CUX1: variants seen among roughly 807,000 people sequenced by gnomAD.
CUX1 encodes the protein protein CASP.
CUX1 carries 31 observed loss-of-function variants against 158.8 expected under a neutral mutation model. The observed-to-expected ratio is 0.20, with a 90% CI of 0.15 to 0.26. The LOEUF (loss-of-function observed/expected upper bound fraction) is 0.26, where lower values mean the gene tolerates loss of function less well. CUX1 is among the 10% of genes least tolerant of loss of function. The probability of loss-of-function intolerance (pLI) is 1.00; values close to 1 mark genes in which losing one functional copy is unlikely to be tolerated. For synonymous variants in CUX1, 879 were observed against 862.1 expected (o/e 1.02, Z -0.34); for missense variants, 1,589 against 2,014.6 (o/e 0.79, Z 4.04).
intron 4 of CUX1, among the ~76,000 whole-genome samples, chr7:102,085,324 T>A (rs529913363): frequency 6.6e-6 from 1 of 152,312 alleles, no homozygotes; most frequent in East Asian, 1.9e-4. Context: ...GCCGTTAAAT[T>A]TATGAGGAAC....
intron 16 of CUX1, chr7:102,275,204 C>A: frequency 6.8e-7 from 1 of 1,470,332 alleles, no homozygotes; most frequent in Non-Finnish European, 9.3e-7. Flanking sequence ...CTGCTGGGTT[C>A]CACCTCCTGC....
intron 22 of CUX1, among the ~76,000 whole-genome samples, 186 bp from the exon 23 acceptor site, chr7:102,239,134 G>C (rs1799898677): frequency 6.6e-6 from 1 of 152,134 alleles, no homozygotes; most frequent in Non-Finnish European, 1.5e-5. Flanking sequence ...TGATCTGCCT[G>C]CCTCGGCCTC....
At position 102,252,330 on chromosome 7, in the gene CUX1, G is replaced by T. The variant is rs530500178; in HGVS notation, c.*3288G>T. 26 of 985,224 alleles carry T rather than the reference G, an allele frequency of 2.6e-5. 1 individual carries two copies. The Admixed American group carries it at 1.2e-3, about 44-fold the overall frequency. The allele number at this position is 985,224 out of a possible 1,614,324, so 61.0% of individuals were successfully genotyped here. A position where few individuals can be genotyped will look rare whatever the true frequency, so the allele number is the denominator to read the frequency against. On this transcript the variant is annotated 3_prime_UTR_variant, in exon 24 of 24. Transcript: ENST00000292535. ...CAAGTGCCTTGAACAGTGTCCCCTC[G>T]GCATGGCTCCCCTTCAGCAGGCTGG... is the stretch of plus-strand genomic sequence containing the variant.
chr7:102,140,357 TG>T (rs1233005625), intron 8 of CUX1, among the ~76,000 whole-genome samples: 1 of 152,124 alleles, frequency 6.6e-6, no homozygotes, highest in Non-Finnish European at 1.5e-5. Context: ...GCAATTCTCC[TG>T]CCTCAGCCTC....
chr7:102,072,041 G>T (rs1262945856), intron 4 of CUX1, among the ~76,000 whole-genome samples: 1 of 152,224 alleles, frequency 6.6e-6, no homozygotes, highest in East Asian at 1.9e-4. Context: ...CTCCTTCACA[G>T]TAAAATGGAT....
chr7:102,087,905 A>G (rs181838921), intron 4 of CUX1, among the ~76,000 whole-genome samples: 7 of 152,066 alleles, frequency 4.6e-5, no homozygotes, highest in East Asian at 1.9e-4. Flanking sequence ...CTTTTGGTCT[A>G]TAGATCTCCT....
At position 102,222,811 on chromosome 7, in the gene CUX1, C is replaced by CTTTTTTTT. The variant is rs71123016; in HGVS notation, c.3131-4537_3131-4530dup. 4.4e-3 allele frequency among the ~76,000 whole-genome samples: 113 copies of CTTTTTTTT among 25,524 alleles called. 29 individuals carry two copies. Among genetic ancestry groups the CTTTTTTTT allele is most frequent in the African/African-American group, 0.017 (96 of 5,800 alleles). 16.7% of individuals were successfully genotyped at this position (25,524 alleles called of 152,430 possible). A position where few individuals can be genotyped will look rare whatever the true frequency, so the allele number is the denominator to read the frequency against. On this transcript the variant is annotated intron_variant, in intron 20 of 23. Coordinates refer to ENST00000292535, the MANE Select transcript of CUX1 (RefSeq NM_181552.4). The stretch of plus-strand genomic sequence containing the variant: ...GGCTGTGTGTCTCGGGGCACCGTAT[C>CTTTTTTTT]TTTTTTTTTTTTTTTTTTTTTTTTT...
At chr7:102,030,200 C>T (rs1247764644) in intron 3 of CUX1, among the ~76,000 whole-genome samples, 4 of 152,106 alleles carry the variant, frequency 2.6e-5, no homozygotes, top group Admixed American at 2.6e-4. Context: ...TTAGTAGAGA[C>T]GGGGTTTCAT....
At chr7:102,213,959 C>T (rs1796798936) in intron 20 of CUX1, among the ~76,000 whole-genome samples, 2 of 152,116 alleles carry the variant, frequency 1.3e-5, no homozygotes, top group South Asian at 4.1e-4. Flanking sequence ...ATGGCAAAAC[C>T]CTGTTTCTAC....
intron 1 of CUX1, among the ~76,000 whole-genome samples, chr7:101,851,943 C>T (rs1403048967): frequency 6.6e-6 from 1 of 151,954 alleles, no homozygotes; most frequent in Non-Finnish European, 1.5e-5. Context: ...ATCCTCCTGC[C>T]TCAGCCTCCC....
chr7:101,881,645 G>A (rs372739105), intron 1 of CUX1, among the ~76,000 whole-genome samples: 4 of 152,164 alleles, frequency 2.6e-5, no homozygotes, highest in African/African-American at 7.2e-5. Flanking sequence ...TGACGCCACC[G>A]ATTTGTCAAG....
At chr7:102,027,428 T>C (rs577906550) in intron 2 of CUX1, among the ~76,000 whole-genome samples, 1 of 152,080 alleles carries the variant, frequency 6.6e-6, no homozygotes, top group Non-Finnish European at 1.5e-5. Flanking sequence ...CCATTTCAGA[T>C]AGAAACAGCC....
chr7:101,826,441 A>G (rs1793307841), intron 1 of CUX1, among the ~76,000 whole-genome samples: 1 of 151,674 alleles, frequency 6.6e-6, no homozygotes, highest in African/African-American at 2.4e-5. Flanking sequence ...GGCTCCAGTA[A>G]TCCTCCCTCC....
rs765983278 is a variant in CUX1 at position 101,916,243 on chromosome 7, C to T, written c.141+18C>T. ...CTCCAGAGGTGAGGCGCGTGACCAT[C>T]GTGTTCGCTTTGAAGGGATCTTAGA... On this transcript the variant is annotated intron_variant, in intron 2 of 23. Transcript: ENST00000292535. This position sits in a 1 kb window ranked among gnomAD's most constrained non-coding sequence, Gnocchi z 4.4. The T allele has an allele frequency of 1.7e-5, 26 of 1,496,382 alleles. No individual in the cohort carries two copies. The highest frequency in any genetic ancestry group is 2.3e-5 in the East Asian group (1 of 44,226). The allele number at this position is 1,496,382 out of a possible 1,614,324, so 92.7% of individuals were successfully genotyped here. A position where few individuals can be genotyped will look rare whatever the true frequency, so the allele number is the denominator to read the frequency against.
At chr7:102,185,966 T>G (rs1447377430) in intron 11 of CUX1, among the ~76,000 whole-genome samples, 3 of 152,172 alleles carry the variant, frequency 2.0e-5, no homozygotes, top group African/African-American at 7.2e-5. Flanking sequence ...ATGCTAGGAA[T>G]AAGCGCAGGT....
At chr7:102,118,264 G>A (rs569830549) in intron 8 of CUX1, among the ~76,000 whole-genome samples, 7 of 152,288 alleles carry the variant, frequency 4.6e-5, no homozygotes, top group African/African-American at 1.7e-4. Flanking sequence ...AGGGCCAGGC[G>A]CGGTGGCTCA....
intron 1 of CUX1, among the ~76,000 whole-genome samples, chr7:101,903,295 G>A (rs995490403): frequency 7.9e-5 from 12 of 152,130 alleles, no homozygotes; most frequent in Non-Finnish European, 1.5e-4. Flanking sequence ...CAAGATGGCC[G>A]GGAGAAAGCT....
At chr7:101,865,604 C>T (rs1437715611) in intron 1 of CUX1, among the ~76,000 whole-genome samples, 1 of 152,224 alleles carries the variant, frequency 6.6e-6, no homozygotes. Context: ...CTTTTGGGGG[C>T]AGCCAGCGTC....
In CUX1 at chr7:102,097,370, T is replaced by C. The variant is rs782042708; in HGVS notation, c.275T>C (p.Val92Ala). 1.2e-6 allele frequency: 2 copies of C among 1,607,956 alleles called. No homozygotes were observed. The highest frequency in any genetic ancestry group is 1.1e-5 in the South Asian group (1 of 89,488). The change falls in exon 5 of 24, where the codon GTA becomes GCA. Residue 92 changes from valine (V) to alanine (A), a missense_variant. Val to Ala is a moderately conservative substitution (Grantham distance 64). Around this residue, in one of 8 missense-constraint regions of CUX1, gnomAD observed 515 missense variants for 574.4 expected, o/e 0.90. Coordinates refer to ENST00000292535, the MANE Select transcript of CUX1 (RefSeq NM_181552.4). ...YKRLIDVPDP[V>A]PALDLGQQLQ... ...CTGTTTTCCTGTTGTGCAGATCCCG[T>C]ACCAGCTTTGGATCTCGGACAGCAA...
Sources: allele counts gnomAD v4.1 joint callset (sites outside exome capture counted in the v4.1 genomes callset), GRCh38; gene constraint gnomAD v4.1.1; regional missense constraint gnomAD v4.1.1; non-coding constraint Gnocchi (gnomAD v3.1); transcripts MANE v1.5; gene names NCBI Gene and HGNC (gene_info 2026-07-23, HGNC 2026-07-21).